STX3: variants seen among roughly 807,000 people sequenced by gnomAD.
STX3 encodes the protein syntaxin-3.
Under a neutral mutation model 40.2 loss-of-function variants are expected in STX3, and 19 were observed. The observed-to-expected ratio is 0.47, with a 90% CI of 0.33 to 0.69. The LOEUF is 0.69. Ranked by LOEUF, STX3 falls within the 30% of genes least tolerant of loss-of-function variation. The pLI is 0.02. For synonymous variants in STX3, 122 were observed against 132.2 expected, an observed-to-expected ratio of 0.92 and a Z score of 0.53; for missense variants, 364 against 366.7, an observed-to-expected ratio of 0.99 and a Z score of 0.06.
intron 10 of STX3, among the ~76,000 whole-genome samples, chr11:59,799,369 C>G (rs1201017083): frequency 6.6e-6 from 1 of 152,058 alleles, no homozygotes; most frequent in African/African-American, 2.4e-5. Context: ...AGTTTTGTAC[C>G]CAGTTAGAAA....
chr11:59,775,661 T>C (rs1191849266), intron 2 of STX3, among the ~76,000 whole-genome samples: 1 of 152,164 alleles, frequency 6.6e-6, no homozygotes, highest in African/African-American at 2.4e-5. Context: ...TTGGGAGTGT[T>C]AGTACTTACC....
intron 7 of STX3, 50 bp from the exon 8 acceptor site, chr11:59,793,330 G>C (rs375528927): frequency 6.2e-7 from 1 of 1,602,476 alleles, no homozygotes. Flanking sequence ...TGTGGCAGGG[G>C]CAGCCTTTCT....
At chr11:59,758,306 A>G (rs1862843705) in intron 1 of STX3, among the ~76,000 whole-genome samples, 1 of 152,132 alleles carries the variant, frequency 6.6e-6, no homozygotes. Context: ...CTTGGAGGGG[A>G]GGTGAACTAG....
intron 2 of STX3, among the ~76,000 whole-genome samples, chr11:59,773,977 C>CAAA (rs5792160): frequency 4.3e-3 from 345 of 80,894 alleles, no homozygotes; most frequent in East Asian, 8.2e-3. Context: ...CTCACACACA[C>CAAA]AAAAAAAAAA....
At chr11:59,760,835 A>G (rs984832581) in intron 1 of STX3, among the ~76,000 whole-genome samples, 13 of 152,182 alleles carry the variant, frequency 8.5e-5, no homozygotes, top group African/African-American at 3.1e-4. Flanking sequence ...GTATCCCCTT[A>G]CACTGTATTC....
intron 2 of STX3, among the ~76,000 whole-genome samples, chr11:59,786,354 C>T (rs979928195): frequency 1.3e-5 from 2 of 151,332 alleles, no homozygotes; most frequent in African/African-American, 4.9e-5. Flanking sequence ...ATTCTCCTGC[C>T]TCAGCCTCCC....
At chr11:59,795,819 G>C in intron 9 of STX3, 2 of 957,842 alleles carry the variant, frequency 2.1e-6, no homozygotes, top group South Asian at 3.0e-5. Flanking sequence ...CCTCCCTGTC[G>C]TAGCCTCATC....
At chr11:59,780,230 T>C (rs1470387413) in intron 2 of STX3, among the ~76,000 whole-genome samples, 1 of 152,134 alleles carries the variant, frequency 6.6e-6, no homozygotes, top group Non-Finnish European at 1.5e-5. Flanking sequence ...AATGTGATGG[T>C]ATTTGGAGGT....
chr11:59,801,990 T>G lies in STX3; in HGVS notation c.*1166T>G, dbSNP rs553127183. The G allele has an allele frequency of 2.0e-6, 2 of 985,312 alleles. No homozygotes were observed. The highest frequency in any genetic ancestry group is 3.5e-5 in the African/African-American group (2 of 57,232). The allele number at this position is 985,312 out of a possible 1,614,324, so 61.0% of individuals were successfully genotyped here. A position where few individuals can be genotyped will look rare whatever the true frequency, so the allele number is the denominator to read the frequency against. Reference sequence around the variant, plus strand: ...AGAACTCTGGAGTGAGCTAAATTGATCCCAATTAAGTTTTTCTGCTTAGCA... The same window carrying G: ...AGAACTCTGGAGTGAGCTAAATTGAGCCCAATTAAGTTTTTCTGCTTAGCA... On this transcript the variant is annotated 3_prime_UTR_variant, in exon 11 of 11. Transcript: ENST00000337979.
intron 10 of STX3, chr11:59,800,432 C>T: frequency 1.0e-6 from 1 of 985,378 alleles, no homozygotes; most frequent in Non-Finnish European, 1.2e-6. Context: ...GAACTTTTTC[C>T]ATAGGCTTTT....
intron 2 of STX3, among the ~76,000 whole-genome samples, chr11:59,786,279 G>T (rs1025985696): frequency 2.1e-5 from 3 of 139,956 alleles, no homozygotes; most frequent in African/African-American, 5.4e-5. Flanking sequence ...TCGCTGTGTC[G>T]TCCAGGCTGG....
In STX3 at chr11:59,797,401, G is replaced by A. The variant is rs368537977; in HGVS notation, c.*30+5G>A. On this transcript the variant is annotated splice_donor_5th_base_variant and intron_variant, in intron 10 of 10. Coordinates refer to ENST00000337979, the MANE Select transcript of STX3 (RefSeq NM_004177.5). ...AAGAGGCTGCTGCACTGAAATGTAA[G>A]TAAACGAGTGGTTCTTGGGGACTCT... 179 of 1,608,930 alleles carry A rather than the reference G, an allele frequency of 1.1e-4. No individual in the cohort carries two copies. The highest frequency in any genetic ancestry group is 1.5e-4 in the Non-Finnish European group (171 of 1,176,212).
chr11:59,799,165 C>T (rs1240822194), intron 10 of STX3, among the ~76,000 whole-genome samples: 1 of 152,176 alleles, frequency 6.6e-6, no homozygotes, highest in Non-Finnish European at 1.5e-5. Context: ...GCTGGGATTA[C>T]AGGCATGAGC....
intron 10 of STX3, among the ~76,000 whole-genome samples, chr11:59,798,783 G>A (rs1013071991): frequency 5.3e-5 from 8 of 152,104 alleles, no homozygotes; most frequent in African/African-American, 1.9e-4. Context: ...CAAAGTGCTA[G>A]GATTACAGGC....
At chr11:59,789,255 T>C (rs546924459) in intron 4 of STX3, 18 of 185,240 alleles carry the variant, frequency 9.7e-5, no homozygotes, top group African/African-American at 3.7e-4. Context: ...TTGTCTCTCT[T>C]TTTTTTTTTT....
At position 59,803,548 on chromosome 11, in the gene STX3, G is replaced by A. The variant is rs780269213; in HGVS notation, c.*2724G>A. Among the ~76,000 whole-genome samples the A allele has an allele frequency of 1.3e-5, 2 of 152,186 alleles. No homozygotes were observed. Among genetic ancestry groups the A allele is most frequent in the Non-Finnish European group, 2.9e-5 (2 of 68,042 alleles). ...ATAACCTGGTGTGGCAGAATGCTTT[G>A]TACAGGTGAAGGATAGTGATTCCTG... On this transcript the variant is annotated 3_prime_UTR_variant, in exon 11 of 11. Coordinates refer to ENST00000337979, the MANE Select transcript of STX3 (RefSeq NM_004177.5).
At chr11:59,763,100 T>G (rs1469378486) in intron 1 of STX3, among the ~76,000 whole-genome samples, 1 of 152,178 alleles carries the variant, frequency 6.6e-6, no homozygotes, top group Non-Finnish European at 1.5e-5. Flanking sequence ...TTGGCAGATG[T>G]TAGATGTGCA....
intron 10 of STX3, chr11:59,800,050 T>C (rs1415794317): frequency 1.0e-6 from 1 of 985,378 alleles, no homozygotes; most frequent in Non-Finnish European, 1.2e-6. Context: ...GAATCATTTT[T>C]CAGGACGTAA....
chr11:59,781,847 T>G (rs1259088178), intron 2 of STX3: 5 of 921,010 alleles, frequency 5.4e-6, no homozygotes, highest in African/African-American at 3.3e-5. Flanking sequence ...TGTCATTTTT[T>G]GGGGAAAGTG....
Sources: gnomAD v4.1 joint callset for allele counts (sites outside exome capture counted in the v4.1 genomes callset) on GRCh38, gnomAD v4.1.1 for gene constraint, MANE v1.5 for transcripts, NCBI Gene and HGNC (gene_info 2026-07-23, HGNC 2026-07-21) for gene names.